The following GALNT13 variants were observed in gnomAD, a reference collection of about 807,000 sequenced individuals.
GALNT13 encodes polypeptide N-acetylgalactosaminyltransferase 13, also known as UDP-GalNAc:polypeptide N-acetylgalactosaminyltransferase 13.
In GALNT13, 28 loss-of-function variants were observed where a neutral mutation model predicts 64.2. The observed-to-expected ratio is 0.44, with a 90% confidence interval of 0.32 to 0.60. The LOEUF is 0.60. Ranked by LOEUF, GALNT13 falls within the 20% of genes least tolerant of loss-of-function variation. The pLI is 0.05. For synonymous variants in GALNT13, 214 were observed against 224.6 expected (o/e 0.95, Z 0.42); for missense variants, 577 against 669.8 (o/e 0.86, Z 1.53).
At chr2:153,297,626 T>C in the GALNT13 span, among the ~76,000 whole-genome samples, 2 of 152,156 alleles carry the variant, frequency 1.3e-5, no homozygotes, top group Non-Finnish European at 2.9e-5. Context: ...TTTATTGTAA[T>C]GTACAAGGAT....
At chr2:153,285,262 C>T in the GALNT13 span, among the ~76,000 whole-genome samples, 1 of 152,096 alleles carries the variant, frequency 6.6e-6, no homozygotes, top group Non-Finnish European at 1.5e-5. Flanking sequence ...ATTACCTCTA[C>T]CTGGTCCCAC....
At chr2:153,872,939 A>G (rs938269795) in intron 1 of GALNT13, among the ~76,000 whole-genome samples, 2 of 151,728 alleles carry the variant, frequency 1.3e-5, no homozygotes, top group South Asian at 2.1e-4. Context: ...CCGGCCATGT[A>G]TCTGTTTTTT....
At chr2:153,721,658 A>T in the GALNT13 span, among the ~76,000 whole-genome samples, 3 of 151,274 alleles carry the variant, frequency 2.0e-5, no homozygotes, top group Non-Finnish European at 4.4e-5. Flanking sequence ...AGGGGTTGCA[A>T]TCCTAGTCTC....
At chr2:154,133,831 T>C (rs1682789969) in intron 3 of GALNT13, among the ~76,000 whole-genome samples, 1 of 151,886 alleles carries the variant, frequency 6.6e-6, no homozygotes, top group Non-Finnish European at 1.5e-5. Flanking sequence ...GTATAACAAA[T>C]AGACCCAAAA....
At chr2:153,170,073 A>C in the GALNT13 span, among the ~76,000 whole-genome samples, 1 of 152,220 alleles carries the variant, frequency 6.6e-6, no homozygotes, top group Non-Finnish European at 1.5e-5. Flanking sequence ...AATCCCATTA[A>C]ATTTACTTTG....
chr2:154,320,718 G>A (rs1420675009), intron 9 of GALNT13, among the ~76,000 whole-genome samples: 1 of 152,110 alleles, frequency 6.6e-6, no homozygotes, highest in Non-Finnish European at 1.5e-5. Context: ...GATCACTCTA[G>A]CCTGCCTTAC....
intron 3 of GALNT13, among the ~76,000 whole-genome samples, chr2:153,969,856 G>A (rs567620117): frequency 6.6e-6 from 1 of 151,830 alleles, no homozygotes; most frequent in African/African-American, 2.4e-5. Flanking sequence ...ACTTATTTGG[G>A]GCATGCCTAA....
chr2:153,818,259 G>T, the GALNT13 span, among the ~76,000 whole-genome samples: 1 of 152,188 alleles, frequency 6.6e-6, no homozygotes, highest in African/African-American at 2.4e-5. Flanking sequence ...TGGAGTCTTT[G>T]TAGAGTCGCT....
At chr2:154,387,603 A>G (rs2105344940) in intron 9 of GALNT13, among the ~76,000 whole-genome samples, 1 of 152,260 alleles carries the variant, frequency 6.6e-6, no homozygotes, top group South Asian at 2.1e-4. Context: ...AGCCTGTGGT[A>G]ACCATCATTC....
At chr2:153,193,300 A>G in the GALNT13 span, among the ~76,000 whole-genome samples, 23,996 of 150,044 alleles carry the variant, frequency 0.16, 2,012 homozygotes, top group African/African-American at 0.18. Context: ...TCCTTTGTAG[A>G]GACATGGATG....
At chr2:153,320,986 T>C in the GALNT13 span, among the ~76,000 whole-genome samples, 1 of 152,168 alleles carries the variant, frequency 6.6e-6, no homozygotes, top group East Asian at 1.9e-4. Flanking sequence ...AGCTGCTACT[T>C]ATTTGTACTG....
chr2:154,116,010 G>A (rs151031372), intron 3 of GALNT13, among the ~76,000 whole-genome samples: 3 of 152,172 alleles, frequency 2.0e-5, no homozygotes, highest in African/African-American at 7.2e-5. Context: ...GAGGCAAACA[G>A]GTATTAGGGT....
At chr2:153,678,586 C>G in the GALNT13 span, among the ~76,000 whole-genome samples, 1 of 151,824 alleles carries the variant, frequency 6.6e-6, no homozygotes, top group Non-Finnish European at 1.5e-5. Flanking sequence ...ATGCTCGTTA[C>G]CTGGGTGACA....
chr2:154,258,820 C>A (rs1271328142), intron 7 of GALNT13, among the ~76,000 whole-genome samples: 16 of 149,080 alleles, frequency 1.1e-4, no homozygotes, highest in East Asian at 7.9e-4. Context: ...AAAAAAAAAA[C>A]AAAAACTAAT....
chr2:154,034,431 CTA>C (rs1698533284), intron 3 of GALNT13, among the ~76,000 whole-genome samples: 1 of 151,980 alleles, frequency 6.6e-6, no homozygotes, highest in South Asian at 2.1e-4. Flanking sequence ...ACTTGGCTTT[CTA>C]TTTATTATTA....
chr2:153,780,226 T>G, the GALNT13 span, among the ~76,000 whole-genome samples: 1 of 7,586 alleles, frequency 1.3e-4, no homozygotes, highest in South Asian at 2.4e-3. Context: ...TATATATATA[T>G]ATATATATAT....
the GALNT13 span, among the ~76,000 whole-genome samples, chr2:153,648,784 G>A: frequency 6.6e-6 from 1 of 152,102 alleles, no homozygotes; most frequent in Non-Finnish European, 1.5e-5. Context: ...ATTTGCGTAT[G>A]TTGAACCAGC....
intron 3 of GALNT13, among the ~76,000 whole-genome samples, chr2:154,130,959 A>G (rs1574561803): frequency 7.3e-6 from 1 of 137,600 alleles, no homozygotes; most frequent in Non-Finnish European, 1.5e-5. Flanking sequence ...TTTGTTTCCA[A>G]AGAATTCATG....
At chr2:153,463,021 G>A in the GALNT13 span, among the ~76,000 whole-genome samples, 1 of 151,888 alleles carries the variant, frequency 6.6e-6, no homozygotes, top group Non-Finnish European at 1.5e-5. Flanking sequence ...CTTATCCCGA[G>A]GAAAGACATT....
Sources: allele counts gnomAD v4.1 joint callset (sites outside exome capture counted in the v4.1 genomes callset), GRCh38; gene constraint gnomAD v4.1.1; transcripts MANE v1.5; gene names NCBI Gene and HGNC (gene_info 2026-07-23, HGNC 2026-07-21).